Variants in NRG3 observed in about 807,000 individuals in gnomAD.
NRG3 encodes the protein neuregulin 3.
A neutral mutation model predicts 66.9 loss-of-function variants in NRG3; 31 were observed. The ratio of observed to expected loss-of-function variants is 0.46; its 90% confidence interval spans 0.35 to 0.63. The LOEUF is 0.63. NRG3 is among the 20% of genes least tolerant of loss of function. NRG3 has a pLI of 0.00. For missense variants in NRG3, 910 were observed against 878.9 expected (o/e 1.04, Z -0.45); for synonymous variants, 393 against 359.4 (o/e 1.09, Z -1.06).
At chr10:82,660,803 G>T (rs2052298599) in intron 2 of NRG3, among the ~76,000 whole-genome samples, 1 of 151,932 alleles carries the variant, frequency 6.6e-6, no homozygotes, top group African/African-American at 2.4e-5. Context: ...CTTCTTATCA[G>T]TTTAATTTTA....
At chr10:81,925,264 G>A (rs1846655804) in intron 1 of NRG3, among the ~76,000 whole-genome samples, 3 of 152,126 alleles carry the variant, frequency 2.0e-5, no homozygotes, top group Non-Finnish European at 4.4e-5. Flanking sequence ...GGGAATTGAG[G>A]CACATGTGGA....
chr10:81,894,619 G>C (rs1401201837), intron 1 of NRG3, among the ~76,000 whole-genome samples: 8 of 152,116 alleles, frequency 5.3e-5, no homozygotes, highest in Admixed American at 5.2e-4. Context: ...AGAAACACAC[G>C]CACTAATCAA....
chr10:82,030,768 A>G (rs2062532819), intron 1 of NRG3, among the ~76,000 whole-genome samples: 2 of 152,074 alleles, frequency 1.3e-5, no homozygotes, highest in Non-Finnish European at 2.9e-5. Context: ...ATGAATATAA[A>G]AGAAATAAAT....
chr10:81,903,991 TATATA>T (rs138985259), intron 1 of NRG3, among the ~76,000 whole-genome samples: 8,782 of 117,032 alleles, frequency 0.075, 276 homozygotes, highest in South Asian at 0.13. Context: ...TATATATATA[TATATA>T]TTTTTTTTTT....
chr10:82,567,823 C>G (rs1167593086), intron 2 of NRG3, among the ~76,000 whole-genome samples: 1 of 151,778 alleles, frequency 6.6e-6, no homozygotes, highest in Non-Finnish European at 1.5e-5. Flanking sequence ...AATGAAGGCC[C>G]TCATATTTCA....
At chr10:82,698,234 G>A (rs1167390867) in intron 2 of NRG3, among the ~76,000 whole-genome samples, 1 of 152,006 alleles carries the variant, frequency 6.6e-6, no homozygotes, top group Non-Finnish European at 1.5e-5. Context: ...ACAATGCCAG[G>A]ATAAAGCCAG....
At chr10:82,805,088 A>T (rs2061221903) in intron 3 of NRG3, among the ~76,000 whole-genome samples, 1 of 152,194 alleles carries the variant, frequency 6.6e-6, no homozygotes, top group South Asian at 2.1e-4. Context: ...TCCCCTGATG[A>T]ACCTGTGACA....
intron 1 of NRG3, among the ~76,000 whole-genome samples, chr10:81,969,666 A>T (rs530091421): frequency 6.6e-6 from 1 of 152,350 alleles, no homozygotes; most frequent in African/African-American, 2.4e-5. Context: ...CAGAAAGCAC[A>T]TATAGTATCA....
At chr10:82,959,451 C>A (rs1850392734) in intron 6 of NRG3, among the ~76,000 whole-genome samples, 1 of 151,974 alleles carries the variant, frequency 6.6e-6, no homozygotes, top group Non-Finnish European at 1.5e-5. Context: ...ACACAAAAAC[C>A]CCCAGAATCA....
At chr10:82,135,025 C>T (rs1007198193) in intron 1 of NRG3, among the ~76,000 whole-genome samples, 26 of 150,876 alleles carry the variant, frequency 1.7e-4, no homozygotes, top group African/African-American at 4.6e-4. Context: ...ACTCGGGAGG[C>T]TGAGGCAGGA....
At chr10:82,495,811 G>C (rs369538988) in intron 2 of NRG3, among the ~76,000 whole-genome samples, 1 of 144,790 alleles carries the variant, frequency 6.9e-6, no homozygotes. Context: ...TTAGAGTGCA[G>C]ACACACACAC....
intron 2 of NRG3, among the ~76,000 whole-genome samples, chr10:82,502,200 T>G (rs1169722848): frequency 6.6e-6 from 1 of 152,200 alleles, no homozygotes; most frequent in African/African-American, 2.4e-5. Context: ...TTATTAGCAA[T>G]CTAAAAGTCT....
intron 2 of NRG3, among the ~76,000 whole-genome samples, chr10:82,556,585 T>C (rs769677281): frequency 1.4e-4 from 22 of 152,168 alleles, no homozygotes; most frequent in Non-Finnish European, 2.8e-4. Flanking sequence ...TGTTGTCTGG[T>C]TTGTCTGGTG....
intron 2 of NRG3, among the ~76,000 whole-genome samples, chr10:82,554,376 A>C (rs1054716192): frequency 2.6e-5 from 4 of 152,242 alleles, no homozygotes; most frequent in Non-Finnish European, 5.9e-5. Flanking sequence ...GTATCAAAAC[A>C]TCACACTGTA....
intron 1 of NRG3, among the ~76,000 whole-genome samples, chr10:82,217,268 T>C (rs1027565426): frequency 6.6e-6 from 1 of 152,198 alleles, no homozygotes; most frequent in African/African-American, 2.4e-5. Flanking sequence ...AGCTGTAAGC[T>C]GGTAGTTAGT....
intron 3 of NRG3, among the ~76,000 whole-genome samples, chr10:82,780,343 T>C (rs1426008709): frequency 6.6e-6 from 1 of 152,220 alleles, no homozygotes; most frequent in Admixed American, 6.5e-5. Context: ...ACCCACAGTG[T>C]AAAAGTGTTC....
At chr10:82,925,746 T>C (rs1025637791) in intron 4 of NRG3, among the ~76,000 whole-genome samples, 1 of 151,846 alleles carries the variant, frequency 6.6e-6, no homozygotes, top group Non-Finnish European at 1.5e-5. Context: ...AGTCACTCTT[T>C]CTTTGCTTGG....
chr10:82,797,258 G>C lies in NRG3; in HGVS notation c.1027+58608G>C, dbSNP rs542322809. On this transcript the variant is annotated intron_variant, in intron 3 of 8. Transcript: ENST00000372141. ...TTCATCACTGCCATAGAAATGGGAC[G>C]TTTCCTATGGCTCTCTCTGGGCCAC... Among the ~76,000 whole-genome samples, 9 of 152,246 alleles carry C rather than the reference G, an allele frequency of 5.9e-5. No individual in the cohort carries two copies. The East Asian group carries it at 1.7e-3, about 29-fold the overall frequency.
intron 2 of NRG3, among the ~76,000 whole-genome samples, chr10:82,692,700 T>A (rs149806151): frequency 1.3e-5 from 2 of 152,350 alleles, no homozygotes; most frequent in East Asian, 1.9e-4. Flanking sequence ...ATTGTGGGCA[T>A]GCCCAGGCAA....
Sources: gnomAD v4.1 joint callset for allele counts (sites outside exome capture counted in the v4.1 genomes callset) on GRCh38, gnomAD v4.1.1 for gene constraint, MANE v1.5 for transcripts, NCBI Gene and HGNC (gene_info 2026-07-23, HGNC 2026-07-21) for gene names.